The following CHST11 variants were observed in gnomAD, a reference collection of about 807,000 sequenced individuals.
The protein encoded by CHST11 is carbohydrate sulfotransferase 11, also known as C4S-1.
Under a neutral mutation model 30.4 loss-of-function variants are expected in CHST11, and 9 were observed. The ratio of observed to expected loss-of-function variants is 0.30; its 90% CI spans 0.18 to 0.52. CHST11 has a LOEUF of 0.52. Among genes scored for constraint, CHST11 ranks in the 20% least tolerant of loss-of-function variants. The pLI, the probability that CHST11 is intolerant of heterozygous loss-of-function variation, is 0.97. For synonymous variants in CHST11, 152 were observed against 187.8 expected (o/e 0.81, Z 1.56); for missense variants, 348 against 460.6 (o/e 0.76, Z 2.24).
At chr12:104,577,480 G>C (rs1704878) in intron 1 of CHST11, among the ~76,000 whole-genome samples, 1 of 151,632 alleles carries the variant, frequency 6.6e-6, no homozygotes, top group African/African-American at 2.4e-5. Flanking sequence ...TTATCGGGGT[G>C]GTAGGCTACA....
chr12:104,582,423 A>G lies in CHST11; in HGVS notation c.119-19483A>G, dbSNP rs1043446238. Among the ~76,000 whole-genome samples, 36 of 152,186 alleles carry G rather than the reference A, an allele frequency of 2.4e-4. 1 individual carries two copies. Among genetic ancestry groups the G allele is most frequent in the Admixed American group, 2.4e-3 (36 of 15,282 alleles). Reference sequence around the variant, plus strand: ...GTTTGTGCTTGAAGACTTTGATGTCAGCATTTTGACCAGATGTGTCAGACA... The same window carrying G: ...GTTTGTGCTTGAAGACTTTGATGTCGGCATTTTGACCAGATGTGTCAGACA... On this transcript the variant is annotated intron_variant, in intron 1 of 2. Coordinates refer to ENST00000303694, the MANE Select transcript of CHST11 (RefSeq NM_018413.6).
chr12:104,648,543 C>T (rs973900575), intron 2 of CHST11, among the ~76,000 whole-genome samples: 4 of 152,130 alleles, frequency 2.6e-5, no homozygotes, highest in African/African-American at 9.7e-5. Flanking sequence ...GGCATGGTGG[C>T]TCATGCCTAT....
At chr12:104,531,475 A>G (rs2038183366) in intron 1 of CHST11, among the ~76,000 whole-genome samples, 1 of 122,594 alleles carries the variant, frequency 8.2e-6, no homozygotes, top group African/African-American at 2.8e-5. Flanking sequence ...CAAAAAAAAA[A>G]AAAAAGAGAG....
chr12:104,500,499 T>A (rs1348707584), intron 1 of CHST11, among the ~76,000 whole-genome samples: 1 of 152,214 alleles, frequency 6.6e-6, no homozygotes, highest in Non-Finnish European at 1.5e-5. Flanking sequence ...TACCCTTTGA[T>A]GTTTTACCAA....
rs1004321071 is a variant in CHST11, at chr12:104,689,369, T to C, written c.205-67580T>C. On this transcript the variant is annotated intron_variant, in intron 2 of 2. Coordinates refer to ENST00000303694, the MANE Select transcript of CHST11 (RefSeq NM_018413.6). Reference sequence around the variant, plus strand: ...AAGGATAGGCCCAATGGCTGTTCTATCCCATAGCAGGCAGACGCCTGAGAC... The same window carrying C: ...AAGGATAGGCCCAATGGCTGTTCTACCCCATAGCAGGCAGACGCCTGAGAC... Among the ~76,000 whole-genome samples, 4 of 152,178 alleles carry C rather than the reference T, an allele frequency of 2.6e-5. No individual in the cohort carries two copies. The South Asian group carries it at 8.3e-4, about 32-fold the overall frequency.
chr12:104,514,466 C>T, intron 1 of CHST11: 1 of 753,408 alleles, frequency 1.3e-6, no homozygotes, highest in Non-Finnish European at 2.4e-6. Context: ...CCTGCCTGTC[C>T]CTGCTGCTAC....
rs1458737149 is a variant in CHST11, at chr12:104,600,924, T to G, written c.119-982T>G. Among the ~76,000 whole-genome samples the G allele has an allele frequency of 6.7e-6, 1 of 149,860 alleles. No homozygotes were observed. On this transcript the variant is annotated intron_variant, in intron 1 of 2. Transcript: ENST00000303694. The surrounding 1 kb of genome is among the most constrained non-coding windows in gnomAD (Gnocchi z 4.1). ...CTTCCTCCTTCTCGGCTTCCTTTTT[T>G]CCTTTCCTCCTTCCTTTCCTCCCTC...
rs2040510985 is a variant in CHST11 at position 104,760,022 on chromosome 12, G to A, written c.*2219G>A. The A allele has an allele frequency of 6.6e-6, 1 of 152,166 alleles. No homozygotes were observed. Among genetic ancestry groups the A allele is most frequent in the South Asian group, 2.1e-4 (1 of 4,824 alleles). The allele number at this position is 152,166 out of a possible 1,614,324, so 9.4% of individuals were successfully genotyped here. A position where few individuals can be genotyped will look rare whatever the true frequency, so the allele number is the denominator to read the frequency against. ...TGGTCAAATATCCTTAAGAAACAAA[G>A]TTAAGTCAGTTTCCTTTCTGCAAGG... is the stretch of plus-strand genomic sequence containing the variant. On this transcript the variant is annotated 3_prime_UTR_variant, in exon 3 of 3. Coordinates refer to ENST00000303694, the MANE Select transcript of CHST11 (RefSeq NM_018413.6).
At chr12:104,672,917 T>C (rs548011333) in intron 2 of CHST11, among the ~76,000 whole-genome samples, 413 of 152,336 alleles carry the variant, frequency 2.7e-3, no homozygotes, top group Non-Finnish European at 4.9e-3. Flanking sequence ...GCTGCCATAA[T>C]GAATCACCAC....
chr12:104,594,031 C>T (rs2038885175), intron 1 of CHST11, among the ~76,000 whole-genome samples: 1 of 152,216 alleles, frequency 6.6e-6, no homozygotes, highest in Non-Finnish European at 1.5e-5. Context: ...GTCTGATACC[C>T]TTTAGTAGAA....
chr12:104,648,171 T>A (rs1007606718), intron 2 of CHST11, among the ~76,000 whole-genome samples: 2 of 152,192 alleles, frequency 1.3e-5, no homozygotes, highest in African/African-American at 4.8e-5. Flanking sequence ...CTTTCTGCAA[T>A]AATTGCTTCT....
intron 2 of CHST11, among the ~76,000 whole-genome samples, chr12:104,753,657 G>A (rs1393161332): frequency 1.3e-5 from 2 of 152,228 alleles, no homozygotes; most frequent in African/African-American, 4.8e-5. Context: ...AAGATTCTCT[G>A]TGGGACCCAG....
intron 1 of CHST11, chr12:104,514,461 C>T (rs1436464917): frequency 2.6e-6 from 2 of 766,586 alleles, no homozygotes; most frequent in East Asian, 4.9e-5. Context: ...GGTCACCTGC[C>T]TGTCCCTGCT....
At chr12:104,628,780 A>G (rs2039243920) in intron 2 of CHST11, among the ~76,000 whole-genome samples, 1 of 152,134 alleles carries the variant, frequency 6.6e-6, no homozygotes, top group African/African-American at 2.4e-5. Context: ...CTCAGCCTTT[A>G]GGGTCTCTAG....
At chr12:104,483,878 G>A (rs560339302) in intron 1 of CHST11, among the ~76,000 whole-genome samples, 49 of 152,170 alleles carry the variant, frequency 3.2e-4, no homozygotes, top group Non-Finnish European at 5.9e-4. Flanking sequence ...GCCTGGTGGA[G>A]GAGGCTGGAG....
chr12:104,724,661 C>T (rs312150), intron 2 of CHST11, among the ~76,000 whole-genome samples: 83,475 of 151,714 alleles, frequency 0.55, 23,834 homozygotes, highest in East Asian at 0.99. Context: ...TTCTGGGCCG[C>T]TCCTTGCCCA....
At chr12:104,487,093 G>C (rs1308280430) in intron 1 of CHST11, among the ~76,000 whole-genome samples, 1 of 152,184 alleles carries the variant, frequency 6.6e-6, no homozygotes, top group Non-Finnish European at 1.5e-5. Flanking sequence ...CCAGATTATA[G>C]TTTCTGTCTG....
At chr12:104,581,977 G>T (rs1439038950) in intron 1 of CHST11, among the ~76,000 whole-genome samples, 1 of 152,182 alleles carries the variant, frequency 6.6e-6, no homozygotes, top group Admixed American at 6.5e-5. Context: ...ATGGGGATGG[G>T]ACGGAGGGAG....
intron 1 of CHST11, among the ~76,000 whole-genome samples, chr12:104,470,114 T>C (rs2135953608): frequency 6.6e-6 from 1 of 152,332 alleles, no homozygotes; most frequent in South Asian, 2.1e-4. Context: ...CCAGGGATGC[T>C]GTTAAACATC....
Sources: gnomAD v4.1 joint callset for allele counts (sites outside exome capture counted in the v4.1 genomes callset) on GRCh38, gnomAD v4.1.1 for gene constraint, Gnocchi (gnomAD v3.1) non-coding constraint, MANE v1.5 for transcripts, NCBI Gene and HGNC (gene_info 2026-07-23, HGNC 2026-07-21) for gene names.